The following DNER variants were observed in gnomAD, a reference collection of about 807,000 sequenced individuals.
The protein encoded by DNER is delta and Notch-like epidermal growth factor-related receptor.
Under a neutral mutation model 78.2 loss-of-function variants are expected in DNER, and 33 were observed. The observed-to-expected ratio is 0.42, with a 90% confidence interval of 0.32 to 0.56. DNER has a LOEUF of 0.56. DNER is among the 20% of genes least tolerant of loss of function. The pLI is 0.11. For missense variants in DNER, 918 were observed against 975.3 expected (o/e 0.94, Z 0.78); for synonymous variants, 417 against 384.8 (o/e 1.08, Z -0.98).
intron 7 of DNER, among the ~76,000 whole-genome samples, chr2:229,449,091 A>G (rs990882371): frequency 6.6e-5 from 10 of 152,196 alleles, no homozygotes; most frequent in Non-Finnish European, 1.0e-4. Flanking sequence ...GCATTTTATA[A>G]AATTCCTGGT....
chr2:229,629,384 AT>A (rs774214964), intron 1 of DNER, among the ~76,000 whole-genome samples: 8 of 152,204 alleles, frequency 5.3e-5, no homozygotes, highest in Non-Finnish European at 1.0e-4. Flanking sequence ...GTCTCTTTAC[AT>A]TTTACTAAGG....
chr2:229,700,710 C>T (rs1283889135), intron 1 of DNER, among the ~76,000 whole-genome samples: 1 of 150,808 alleles, frequency 6.6e-6, no homozygotes, highest in Non-Finnish European at 1.5e-5. Context: ...GTCAGGAGAT[C>T]GAGACTATCC....
At chr2:229,518,936 C>T (rs1379374809) in intron 5 of DNER, among the ~76,000 whole-genome samples, 3 of 149,836 alleles carry the variant, frequency 2.0e-5, no homozygotes, top group African/African-American at 7.4e-5. Flanking sequence ...AAGAACGATG[C>T]AAATCATGCG....
At chr2:229,433,129 AG>A (rs1213657425) in intron 8 of DNER, among the ~76,000 whole-genome samples, 1 of 152,176 alleles carries the variant, frequency 6.6e-6, no homozygotes, top group African/African-American at 2.4e-5. Flanking sequence ...TAGGAGAGAC[AG>A]GGTTTCACCA....
chr2:229,476,998 T>C, intron 7 of DNER, 142 bp downstream of exon 7: 2 of 599,306 alleles, frequency 3.3e-6, no homozygotes, highest in Non-Finnish European at 5.7e-6. Context: ...AGGGGGACTA[T>C]CTTCTATTTT....
intron 11 of DNER, among the ~76,000 whole-genome samples, chr2:229,377,932 A>C (rs565127340): frequency 1.3e-3 from 191 of 152,330 alleles, no homozygotes; most frequent in Non-Finnish European, 2.0e-3. Flanking sequence ...TTAAATTGAG[A>C]TCTTGAGATG....
chr2:229,508,420 C>T (rs746769908), intron 6 of DNER, among the ~76,000 whole-genome samples: 4 of 151,972 alleles, frequency 2.6e-5, no homozygotes, highest in Non-Finnish European at 4.4e-5. Flanking sequence ...GTCAAGAACT[C>T]CAACACTATG....
Position 229,714,197 on chromosome 2 carries a change from G to C in DNER, c.227C>G (p.Pro76Arg), listed in dbSNP as rs1001171000. The change falls in exon 1 of 13, where the codon CCT becomes CGT. Residue 76 changes from proline to arginine, a missense_variant. Coordinates refer to ENST00000341772, the MANE Select transcript of DNER (RefSeq NM_139072.4). Reference protein sequence around the residue: ...DPQHPAPAGEPGYSCTCPAGI... With the variant: ...DPQHPAPAGERGYSCTCPAGI... ...GGCGGGGCAGGTGCAGCTGTAGCCA[G>C]GCTCGCCGGCGGGGGCCGGGTGCTG... is the stretch of plus-strand genomic sequence containing the variant. The C allele has an allele frequency of 7.3e-7, 1 of 1,376,376 alleles. No individual in the cohort carries two copies. Among genetic ancestry groups the C allele is most frequent in the Non-Finnish European group, 9.4e-7 (1 of 1,068,848 alleles). The allele number at this position is 1,376,376 out of a possible 1,614,324, so 85.3% of individuals were successfully genotyped here.
intron 1 of DNER, among the ~76,000 whole-genome samples, chr2:229,665,858 CT>C (rs1311382023): frequency 6.6e-6 from 1 of 152,172 alleles, no homozygotes; most frequent in Non-Finnish European, 1.5e-5. Context: ...GAGTCTAGGC[CT>C]TTATCTGGCA....
rs557681315 is a variant in DNER, at chr2:229,492,747, C to T, written c.1148-15494G>A. Reference sequence around the variant, plus strand: ...GCAGTAGCACAATCATAGTTCACTGCAGCCTCAAACACCTGGGTTCAAGCT... The same window carrying T: ...GCAGTAGCACAATCATAGTTCACTGTAGCCTCAAACACCTGGGTTCAAGCT... On this transcript the variant is annotated intron_variant, in intron 6 of 12. Transcript: ENST00000341772. 2.0e-5 allele frequency among the ~76,000 whole-genome samples: 3 copies of T among 152,338 alleles called. No homozygotes were observed. The South Asian group carries it at 6.2e-4, about 32-fold the overall frequency.
intron 6 of DNER, among the ~76,000 whole-genome samples, chr2:229,485,705 T>G (rs1695254526): frequency 6.6e-6 from 1 of 152,144 alleles, no homozygotes; most frequent in Admixed American, 6.5e-5. Context: ...TGAGTCAGAT[T>G]ATGAAGAAGA....
chr2:229,430,972 T>C (rs924372937), intron 8 of DNER, among the ~76,000 whole-genome samples: 2 of 152,104 alleles, frequency 1.3e-5, no homozygotes, highest in African/African-American at 4.8e-5. Flanking sequence ...GGAGATTTTC[T>C]GAGATGCAGG....
intron 10 of DNER, among the ~76,000 whole-genome samples, chr2:229,406,741 G>A (rs915945718): frequency 5.9e-5 from 9 of 152,062 alleles, no homozygotes; most frequent in African/African-American, 1.4e-4. Flanking sequence ...CCTCCTGTTC[G>A]GTGTTCAGTG....
At chr2:229,450,579 A>G (rs1477896108) in intron 7 of DNER, among the ~76,000 whole-genome samples, 29 of 152,224 alleles carry the variant, frequency 1.9e-4, no homozygotes, top group Non-Finnish European at 1.8e-4. Context: ...GTGCCTTTAA[A>G]GAGGTGAGTC....
chr2:229,490,252 T>C (rs565177283), intron 6 of DNER, among the ~76,000 whole-genome samples: 1 of 151,840 alleles, frequency 6.6e-6, no homozygotes, highest in Admixed American at 6.6e-5. Context: ...TGGAGGAAAA[T>C]TGAAGAGGGA....
chr2:229,366,092 G>T (rs1183441308), intron 12 of DNER, among the ~76,000 whole-genome samples: 2 of 152,162 alleles, frequency 1.3e-5, no homozygotes, highest in Non-Finnish European at 2.9e-5. Context: ...TAGGTGATGG[G>T]TTGATCTGTG....
At chr2:229,388,592 AATATATATATATATATATATATAT>A (rs56042896) in intron 10 of DNER, among the ~76,000 whole-genome samples, 196 bp from the exon 11 acceptor site, 2,141 of 57,988 alleles carry the variant, frequency 0.037, 162 homozygotes, top group African/African-American at 0.11. Flanking sequence ...CTAAAAAGGA[AATATATATATATATATATATATAT>A]ATATATATAT....
At chr2:229,670,856 T>C (rs1395324516) in intron 1 of DNER, among the ~76,000 whole-genome samples, 1 of 152,146 alleles carries the variant, frequency 6.6e-6, no homozygotes, top group Non-Finnish European at 1.5e-5. Flanking sequence ...AATTTAATAT[T>C]AGTCTAAATA....
At chr2:229,667,270 C>A (rs1699108714) in intron 1 of DNER, among the ~76,000 whole-genome samples, 1 of 152,114 alleles carries the variant, frequency 6.6e-6, no homozygotes, top group Admixed American at 6.6e-5. Flanking sequence ...CATGGGGTAA[C>A]TAATGGGTTG....
Sources: gnomAD v4.1 joint callset for allele counts (sites outside exome capture counted in the v4.1 genomes callset) on GRCh38, gnomAD v4.1.1 for gene constraint, MANE v1.5 for transcripts, NCBI Gene and HGNC (gene_info 2026-07-23, HGNC 2026-07-21) for gene names.